CALD1: variants seen among roughly 807,000 people sequenced by gnomAD.
CALD1 encodes the protein caldesmon.
A neutral mutation model predicts 99.9 loss-of-function variants in CALD1; 33 were observed. The observed-to-expected ratio is 0.33, with a 90% CI of 0.25 to 0.44. The LOEUF is 0.44. Among genes scored for constraint, CALD1 ranks in the 20% least tolerant of loss-of-function variants. The pLI, the probability that CALD1 is intolerant of heterozygous loss-of-function variation, is 1.00. For missense variants in CALD1, 861 were observed against 962.1 expected (o/e 0.89, Z 1.39); for synonymous variants, 310 against 325.0 (o/e 0.95, Z 0.50).
chr7:134,742,044 CACAG>C (rs1443292883), upstream of CALD1, among the ~76,000 whole-genome samples: 4 of 151,580 alleles, frequency 2.6e-5, no homozygotes, highest in Non-Finnish European at 4.4e-5. Flanking sequence ...CACACACACA[CACAG>C]ACACACACAT....
intron 5 of CALD1, among the ~76,000 whole-genome samples, chr7:134,935,145 G>A (rs1211184565): frequency 6.6e-6 from 1 of 152,108 alleles, no homozygotes; most frequent in Non-Finnish European, 1.5e-5. Context: ...GTGGCCTGAG[G>A]AAGGGTGGAA....
In CALD1 at chr7:134,798,411, T is replaced by C. The variant is rs1797827737; in HGVS notation, c.-130+18662T>C. 3.9e-5 allele frequency among the ~76,000 whole-genome samples: 6 copies of C among 152,232 alleles called. 1 individual carries two copies. In the South Asian group the frequency reaches 1.2e-3, roughly 31 times the overall value. ...CTGACTAGTCATTCCAAACAGATGGTAATATCCAGCATCACACCCCCTCCC... is the reference window on the plus strand; with the variant it reads ...CTGACTAGTCATTCCAAACAGATGGCAATATCCAGCATCACACCCCCTCCC... On this transcript the variant is annotated intron_variant, in intron 1 of 14. Coordinates refer to ENST00000361675, the MANE Select transcript of CALD1 (RefSeq NM_033138.4).
At chr7:134,827,793 T>C (rs1799063441) in intron 1 of CALD1, among the ~76,000 whole-genome samples, 1 of 152,222 alleles carries the variant, frequency 6.6e-6, no homozygotes, top group East Asian at 1.9e-4. Context: ...ACTTTTTTCA[T>C]TCATTCTTCT....
chr7:134,941,048 G>A, intron 6 of CALD1, 44 bp from the exon 7 acceptor site: 1 of 1,537,396 alleles, frequency 6.5e-7, no homozygotes, highest in Non-Finnish European at 8.7e-7. Context: ...AACCTAATAA[G>A]ATTTTTCTTG....
chr7:134,926,745 G>C (rs1321805845), intron 3 of CALD1, among the ~76,000 whole-genome samples: 2 of 152,068 alleles, frequency 1.3e-5, no homozygotes, highest in African/African-American at 4.8e-5. Flanking sequence ...TGGTTCTACT[G>C]TTTTGTTTTA....
intron 1 of CALD1, among the ~76,000 whole-genome samples, chr7:134,802,691 C>A (rs569408472): frequency 1.5e-4 from 23 of 152,322 alleles, no homozygotes; most frequent in Non-Finnish European, 2.8e-4. Context: ...TTATCTAACA[C>A]AAAGCCTATT....
chr7:134,913,187 A>T (rs928220452), intron 3 of CALD1, among the ~76,000 whole-genome samples: 23 of 152,100 alleles, frequency 1.5e-4, no homozygotes, highest in African/African-American at 5.3e-4. Flanking sequence ...AATTGCTTGA[A>T]CCAGGGACGT....
At chr7:134,790,537 G>A (rs1355253201) in intron 1 of CALD1, among the ~76,000 whole-genome samples, 2 of 152,080 alleles carry the variant, frequency 1.3e-5, no homozygotes, top group African/African-American at 2.4e-5. Flanking sequence ...ATTTGTCAGG[G>A]AGCCATACTG....
At chr7:134,846,120 G>T (rs1380180113) in intron 2 of CALD1, among the ~76,000 whole-genome samples, 3 of 152,198 alleles carry the variant, frequency 2.0e-5, no homozygotes, top group Non-Finnish European at 4.4e-5. Flanking sequence ...AATCAGAGCT[G>T]ATCAGAATGG....
intron 13 of CALD1, 88 bp from the exon 14 acceptor site, chr7:134,965,218 A>G (rs1175430347): frequency 2.7e-6 from 2 of 754,182 alleles, no homozygotes; most frequent in Non-Finnish European, 4.9e-6. Flanking sequence ...ACTGATTCAA[A>G]TAAACAATAG....
chr7:134,734,511 C>G, the CALD1 span, among the ~76,000 whole-genome samples: 1 of 152,196 alleles, frequency 6.6e-6, no homozygotes, highest in Non-Finnish European at 1.5e-5. Context: ...ATCCTTTACC[C>G]AGTGATATGA....
At chr7:134,841,034 G>A (rs1404992969) in intron 1 of CALD1, among the ~76,000 whole-genome samples, 1 of 152,136 alleles carries the variant, frequency 6.6e-6, no homozygotes, top group Non-Finnish European at 1.5e-5. Context: ...TGAAAAGGGG[G>A]AACTTGGTTG....
intron 2 of CALD1, among the ~76,000 whole-genome samples, chr7:134,857,158 CTTTTTTTTTTTT>C (rs59210460): frequency 8.0e-5 from 6 of 75,354 alleles, no homozygotes; most frequent in Admixed American, 2.0e-4. Flanking sequence ...TTGCGCTATT[CTTTTTTTTTTTT>C]TTTTTTTTTT....
chr7:134,808,936 G>A (rs757405813), intron 1 of CALD1, among the ~76,000 whole-genome samples: 1 of 152,166 alleles, frequency 6.6e-6, no homozygotes, highest in Non-Finnish European at 1.5e-5. Context: ...CAACTCTTAG[G>A]TGATGAGGGG....
intron 3 of CALD1, chr7:134,891,433 A>G: frequency 1.5e-6 from 2 of 1,306,912 alleles, no homozygotes; most frequent in Non-Finnish European, 9.8e-7. Context: ...GGCTGAGGAC[A>G]AGCCCAGACT....
intron 1 of CALD1, among the ~76,000 whole-genome samples, chr7:134,764,571 AT>A (rs1713179418): frequency 6.6e-6 from 1 of 151,314 alleles, no homozygotes; most frequent in African/African-American, 2.4e-5. Context: ...TCACTCAACT[AT>A]TAATTAATTA....
chr7:134,726,637 A>T, the CALD1 span, among the ~76,000 whole-genome samples: 1 of 151,650 alleles, frequency 6.6e-6, no homozygotes, highest in Non-Finnish European at 1.5e-5. Flanking sequence ...AGTTCTAGCC[A>T]TCACCATAAA....
chr7:134,830,400 A>T (rs1022711727), intron 1 of CALD1, among the ~76,000 whole-genome samples: 7 of 148,864 alleles, frequency 4.7e-5, no homozygotes, highest in Non-Finnish European at 1.0e-4. Context: ...TTAGATCTTT[A>T]TTTTTTTTTT....
intron 9 of CALD1, among the ~76,000 whole-genome samples, chr7:134,951,872 A>G (rs1201407732): frequency 1.3e-5 from 2 of 152,262 alleles, no homozygotes; most frequent in Non-Finnish European, 2.9e-5. Context: ...CATCATATTG[A>G]AGATACTTAA....
Sources: allele counts gnomAD v4.1 joint callset (sites outside exome capture counted in the v4.1 genomes callset), GRCh38; gene constraint gnomAD v4.1.1; transcripts MANE v1.5; gene names NCBI Gene and HGNC (gene_info 2026-07-23, HGNC 2026-07-21).